The following WWOX variants were observed in gnomAD, a reference collection of about 807,000 sequenced individuals.
WWOX encodes WW domain-containing oxidoreductase.
WWOX carries 69 observed loss-of-function variants against 46.2 expected under a neutral mutation model. The ratio of observed to expected loss-of-function variants is 1.49; its 90% confidence interval spans 1.23 to 1.82. WWOX has a LOEUF of 1.82. WWOX is among the 40% of genes most tolerant of loss of function. The pLI is 0.00. For synonymous variants in WWOX, 359 were observed against 202.6 expected (o/e 1.77, Z -6.56); for missense variants, 919 against 542.6 (o/e 1.69, Z -6.89).
intron 8 of WWOX, among the ~76,000 whole-genome samples, chr16:78,533,784 T>C (rs1413721133): frequency 6.6e-6 from 1 of 152,168 alleles, no homozygotes; most frequent in Non-Finnish European, 1.5e-5. Context: ...TGTAGGCCCC[T>C]CCCGAATGCG....
chr16:78,395,042 A>C (rs893140549), intron 6 of WWOX, among the ~76,000 whole-genome samples: 1 of 152,190 alleles, frequency 6.6e-6, no homozygotes, highest in Non-Finnish European at 1.5e-5. Flanking sequence ...GACACATCTC[A>C]CTTTATGGAG....
chr16:78,514,845 C>A (rs1425287722), intron 8 of WWOX, among the ~76,000 whole-genome samples: 1 of 152,078 alleles, frequency 6.6e-6, no homozygotes, highest in East Asian at 1.9e-4. Context: ...TATTATGTGC[C>A]ACTCACTATT....
chr16:78,401,472 C>A (rs998474499), intron 6 of WWOX, among the ~76,000 whole-genome samples: 2 of 152,064 alleles, frequency 1.3e-5, no homozygotes, highest in Admixed American at 6.5e-5. Context: ...AAAAGAGTAA[C>A]CTATTTTGAT....
intron 8 of WWOX, among the ~76,000 whole-genome samples, chr16:78,835,670 C>G (rs2051960267): frequency 6.6e-6 from 1 of 152,206 alleles, no homozygotes; most frequent in Non-Finnish European, 1.5e-5. Context: ...CCTAAGAACA[C>G]ACAGCAGTTC....
At chr16:79,127,015 CTTTAA>C (rs1242913447) in intron 8 of WWOX, among the ~76,000 whole-genome samples, 2 of 151,634 alleles carry the variant, frequency 1.3e-5, no homozygotes, top group African/African-American at 4.8e-5. Context: ...AAACTTATTT[CTTTAA>C]TTTTATTTTT....
At chr16:78,680,603 A>G (rs937152678) in intron 8 of WWOX, among the ~76,000 whole-genome samples, 11 of 152,214 alleles carry the variant, frequency 7.2e-5, no homozygotes, top group African/African-American at 2.2e-4. Context: ...ACGTGGGGCC[A>G]TTTCAAGCTA....
chr16:78,955,648 T>C (rs1212816150), intron 8 of WWOX, among the ~76,000 whole-genome samples: 1 of 152,076 alleles, frequency 6.6e-6, no homozygotes, highest in Admixed American at 6.5e-5. Flanking sequence ...TTTTAAAATT[T>C]ATTTTTGTTT....
intron 5 of WWOX, among the ~76,000 whole-genome samples, chr16:78,225,021 G>A (rs914441213): frequency 6.6e-6 from 1 of 152,212 alleles, no homozygotes; most frequent in Admixed American, 6.5e-5. Flanking sequence ...CTGTGGTTAT[G>A]TATATCACAG....
At position 78,344,614 on chromosome 16, in the gene WWOX, C is replaced by T. The variant is rs1312614249; in HGVS notation, c.517-42246C>T. 1.6e-5 allele frequency among the ~76,000 whole-genome samples: 2 copies of T among 121,384 alleles called. 1 individual carries two copies. Among genetic ancestry groups the T allele is most frequent in the Non-Finnish European group, 3.9e-5 (2 of 50,734 alleles). The allele number at this position is 121,384 out of a possible 152,430, so 79.6% of individuals were successfully genotyped here. A position where few individuals can be genotyped will look rare whatever the true frequency, so the allele number is the denominator to read the frequency against. On this transcript the variant is annotated intron_variant, in intron 5 of 8. Transcript: ENST00000566780. ...TATTATTCCCCTACTTCGGTAGATACTGGCTGTACAGAAGGGAACCCCAGT... is the reference window on the plus strand; with the variant it reads ...TATTATTCCCCTACTTCGGTAGATATTGGCTGTACAGAAGGGAACCCCAGT...
chr16:78,833,726 T>C (rs929495609), intron 8 of WWOX, among the ~76,000 whole-genome samples: 1 of 152,256 alleles, frequency 6.6e-6, no homozygotes, highest in African/African-American at 2.4e-5. Flanking sequence ...CAGCATCCTC[T>C]GTGAAACTGG....
chr16:79,096,016 A>ATTTTTTGTTTTTTTT (rs71384393), intron 8 of WWOX, among the ~76,000 whole-genome samples: 1 of 82,052 alleles, frequency 1.2e-5, no homozygotes, highest in Non-Finnish European at 2.2e-5. Flanking sequence ...CACCCGGATA[A>ATTTTTTGTTTTTTTT]TTTTTTTTTT....
chr16:78,430,614 C>T (rs1312519643), intron 7 of WWOX, among the ~76,000 whole-genome samples: 6 of 152,124 alleles, frequency 3.9e-5, no homozygotes, highest in Non-Finnish European at 8.8e-5. Flanking sequence ...TTTCAAATTG[C>T]CTGCTGAGTT....
intron 1 of WWOX, chr16:78,100,328 C>G (rs754278478): frequency 6.4e-5 from 53 of 832,048 alleles, no homozygotes; most frequent in Non-Finnish European, 7.7e-5. Flanking sequence ...TCATAGCCCA[C>G]TGTAGCCTCT....
At chr16:78,665,296 AG>A (rs1260382435) in intron 8 of WWOX, among the ~76,000 whole-genome samples, 4 of 152,250 alleles carry the variant, frequency 2.6e-5, no homozygotes, top group African/African-American at 9.6e-5. Flanking sequence ...GAGAGTTTTC[AG>A]TTATGCATGA....
chr16:78,738,449 A>G (rs1464609171), intron 8 of WWOX, among the ~76,000 whole-genome samples: 1 of 152,184 alleles, frequency 6.6e-6, no homozygotes, highest in Non-Finnish European at 1.5e-5. Context: ...TGGCCAATGA[A>G]GTGTCACGAT....
chr16:79,057,035 G>C (rs562361188), intron 8 of WWOX, among the ~76,000 whole-genome samples: 1 of 152,308 alleles, frequency 6.6e-6, no homozygotes, highest in East Asian at 1.9e-4. Context: ...ATATGAAGGA[G>C]TTCTAGAAAA....
chr16:78,411,246 T>C (rs1164536639), intron 6 of WWOX, among the ~76,000 whole-genome samples: 1 of 152,128 alleles, frequency 6.6e-6, no homozygotes, highest in Non-Finnish European at 1.5e-5. Context: ...CCTAGGACAG[T>C]GCGTTTGAGA....
intron 8 of WWOX, among the ~76,000 whole-genome samples, chr16:78,732,502 C>G (rs2048992674): frequency 6.6e-6 from 1 of 152,126 alleles, no homozygotes; most frequent in Non-Finnish European, 1.5e-5. Flanking sequence ...CCCTTTGTGC[C>G]ATATTCAAAT....
intron 8 of WWOX, among the ~76,000 whole-genome samples, chr16:79,055,140 A>C (rs1221277864): frequency 6.6e-6 from 1 of 152,248 alleles, no homozygotes; most frequent in Admixed American, 6.5e-5. Flanking sequence ...GAAGAAAAAA[A>C]CATTCCTCCT....
Sources: allele counts gnomAD v4.1 joint callset (sites outside exome capture counted in the v4.1 genomes callset), GRCh38; gene constraint gnomAD v4.1.1; transcripts MANE v1.5; gene names NCBI Gene and HGNC (gene_info 2026-07-23, HGNC 2026-07-21).